The following ATXN10 variants were observed in gnomAD, a reference collection of about 807,000 sequenced individuals.
ATXN10 encodes the protein ataxin 10.
In ATXN10, 28 loss-of-function variants were observed where a neutral mutation model predicts 52.9. That is an observed-to-expected ratio of 0.53 (90% CI 0.39 to 0.73). The LOEUF is 0.73. ATXN10 is among the 30% of genes least tolerant of loss of function. The pLI is 0.00. For synonymous variants in ATXN10, 226 were observed against 221.5 expected (o/e 1.02, Z -0.18); for missense variants, 565 against 577.0 (o/e 0.98, Z 0.21).
intron 9 of ATXN10, among the ~76,000 whole-genome samples, chr22:45,797,129 G>T (rs1359704961): frequency 6.6e-6 from 1 of 152,192 alleles, no homozygotes; most frequent in Non-Finnish European, 1.5e-5. Context: ...GTCATAATCG[G>T]AGATATCAGC....
At position 45,770,102 on chromosome 22, in the gene ATXN10, G is replaced by A. The variant is rs1419307352; in HGVS notation, c.1173+29564G>A. The stretch of plus-strand genomic sequence containing the variant: ...GAGAAATGATTATGTGTCAAGCTCT[G>A]TGCTTTCTGTATGCCATTTACCTAG... On this transcript the variant is annotated intron_variant, in intron 9 of 11. Coordinates refer to ENST00000252934, the MANE Select transcript of ATXN10 (RefSeq NM_013236.4). This position sits in a 1 kb window ranked among gnomAD's most constrained non-coding sequence, Gnocchi z 4.5. Among the ~76,000 whole-genome samples, 2 of 152,202 alleles carry A rather than the reference G, an allele frequency of 1.3e-5. No individual in the cohort carries two copies. The highest frequency in any genetic ancestry group is 2.9e-5 in the Non-Finnish European group (2 of 68,036).
At chr22:45,714,224 T>C (rs548659604) in intron 5 of ATXN10, among the ~76,000 whole-genome samples, 2 of 152,256 alleles carry the variant, frequency 1.3e-5, no homozygotes, top group Admixed American at 6.5e-5. Flanking sequence ...GAACCTTTTT[T>C]TTCTTTTATG....
intron 9 of ATXN10, among the ~76,000 whole-genome samples, chr22:45,751,268 C>A (rs776953092): frequency 2.6e-5 from 4 of 152,136 alleles, no homozygotes; most frequent in Non-Finnish European, 5.9e-5. Flanking sequence ...ACCTCTTAAC[C>A]CTTCTTTGGC....
intron 1 of ATXN10, 52 bp downstream of exon 1, chr22:45,672,231 T>C (rs2146716446): frequency 7.0e-7 from 1 of 1,436,754 alleles, no homozygotes; most frequent in Non-Finnish European, 9.1e-7. Context: ...CGGCCGGGAC[T>C]CCCGCGGCGG....
In ATXN10 at chr22:45,689,077, C is replaced by T. The variant is rs771216258; in HGVS notation, c.117-635C>T. Among the ~76,000 whole-genome samples the T allele has an allele frequency of 1.5e-3, 226 of 152,196 alleles. 1 individual carries two copies. Among genetic ancestry groups the T allele is most frequent in the Admixed American group, 7.5e-3 (115 of 15,282 alleles). On this transcript the variant is annotated intron_variant, in intron 1 of 11. Coordinates refer to ENST00000252934, the MANE Select transcript of ATXN10 (RefSeq NM_013236.4). ...GAAGAACAGGCACACTTTACATTCT[C>T]CCCCTCTCCTTTCTCTCCCATCTAT... is the stretch of plus-strand genomic sequence containing the variant.
chr22:45,790,356 C>A lies in ATXN10; in HGVS notation c.1174-16603C>A, dbSNP rs753544966. ...TAAAATTAAAAAAGTTAACAGGACA[C>A]GAGATTATCAAAACATTGCCCCCCC... On this transcript the variant is annotated intron_variant, in intron 9 of 11. Coordinates refer to ENST00000252934, the MANE Select transcript of ATXN10 (RefSeq NM_013236.4). The surrounding 1 kb of genome is among the most constrained non-coding windows in gnomAD (Gnocchi z 4.7). 6.6e-6 allele frequency among the ~76,000 whole-genome samples: 1 copy of A among 152,174 alleles called. No homozygotes were observed. Among genetic ancestry groups the A allele is most frequent in the Middle Eastern group, 3.4e-3 (1 of 294 alleles).
chr22:45,797,806 G>T (rs73889621), intron 9 of ATXN10, among the ~76,000 whole-genome samples: 2,589 of 152,200 alleles, frequency 0.017, 86 homozygotes, highest in African/African-American at 0.059. Context: ...AGATAAATCT[G>T]TCTACCTGTC....
intron 1 of ATXN10, chr22:45,672,474 C>T (rs1043987802): frequency 9.3e-5 from 16 of 172,664 alleles, no homozygotes; most frequent in Non-Finnish European, 1.1e-4. Flanking sequence ...TGACCCAACA[C>T]ACGGTTAGGC....
intron 9 of ATXN10, among the ~76,000 whole-genome samples, chr22:45,751,739 G>GAAAAAAAAA: frequency 7.1e-5 from 1 of 14,102 alleles, no homozygotes; most frequent in African/African-American, 3.0e-4. Flanking sequence ...ACCTTTTTCT[G>GAAAAAAAAA]GAAAAAAAAA....
intron 10 of ATXN10, chr22:45,811,879 C>A: frequency 2.3e-6 from 1 of 437,896 alleles, no homozygotes; most frequent in South Asian, 1.7e-5. Flanking sequence ...CCACTCCCCA[C>A]ACCACCTTGC....
chr22:45,738,443 C>T (rs1925382618), intron 7 of ATXN10: 1 of 363,568 alleles, frequency 2.8e-6, no homozygotes, highest in East Asian at 5.7e-5. Context: ...GTTGGAATGT[C>T]TTTTTGCTTG....
Position 45,842,638 on chromosome 22 carries a change from G to A in ATXN10, c.1238-353G>A, listed in dbSNP as rs13055814. Among the ~76,000 whole-genome samples the A allele has an allele frequency of 0.046, 6,945 of 152,080 alleles. 209 individuals carry two copies. The highest frequency in any genetic ancestry group is 0.088 in the African/African-American group (3,668 of 41,480). The stretch of plus-strand genomic sequence containing the variant: ...AACAAAGGAATGTGTGTGTGTGCAC[G>A]CACACACGTTTGCCTGTGTGTGTGT... On this transcript the variant is annotated intron_variant, in intron 10 of 11. Transcript: ENST00000252934. This position sits in a 1 kb window ranked among gnomAD's most constrained non-coding sequence, Gnocchi z 4.8.
At chr22:45,703,116 AAAC>A (rs1458755848) in intron 5 of ATXN10, among the ~76,000 whole-genome samples, 2 of 152,170 alleles carry the variant, frequency 1.3e-5, no homozygotes, top group Non-Finnish European at 2.9e-5. Context: ...GTGTATGAAA[AAAC>A]AGTGTGAAAT....
rs1445718198 is a variant in ATXN10 at position 45,769,852 on chromosome 22, G to A, written c.1173+29314G>A. Among the ~76,000 whole-genome samples, 1 of 152,142 alleles carries A rather than the reference G, an allele frequency of 6.6e-6. No individual in the cohort carries two copies. The highest frequency in any genetic ancestry group is 1.5e-5 in the Non-Finnish European group (1 of 68,026). On this transcript the variant is annotated intron_variant, in intron 9 of 11. Coordinates refer to ENST00000252934, the MANE Select transcript of ATXN10 (RefSeq NM_013236.4). This position sits in a 1 kb window ranked among gnomAD's most constrained non-coding sequence, Gnocchi z 4.2. ...GAACAAAAACTCTTAAGAGTGTCAG[G>A]AAGTTAAAAAATATAAAAAATTTTC...
chr22:45,771,196 A>G (rs749215994), intron 9 of ATXN10, among the ~76,000 whole-genome samples: 12 of 152,168 alleles, frequency 7.9e-5, no homozygotes, highest in Non-Finnish European at 1.0e-4. Flanking sequence ...AAACAACCCA[A>G]ATGTTCTTTA....
rs1927125360 is a variant in ATXN10 at position 45,780,873 on chromosome 22, A to G, written c.1174-26086A>G. Among the ~76,000 whole-genome samples the G allele has an allele frequency of 1.3e-5, 2 of 152,136 alleles. No homozygotes were observed. Among genetic ancestry groups the G allele is most frequent in the African/African-American group, 2.4e-5 (1 of 41,438 alleles). ...CCAGAACCCTGTCATCATATATGAA[A>G]CAATCATGGAAACACGTGACAGGTG... is the stretch of plus-strand genomic sequence containing the variant. On this transcript the variant is annotated intron_variant, in intron 9 of 11. Coordinates refer to ENST00000252934, the MANE Select transcript of ATXN10 (RefSeq NM_013236.4). The surrounding 1 kb of genome is among the most constrained non-coding windows in gnomAD (Gnocchi z 4.0).
At chr22:45,829,230 A>G (rs987798839) in intron 10 of ATXN10, among the ~76,000 whole-genome samples, 6 of 152,174 alleles carry the variant, frequency 3.9e-5, no homozygotes, top group African/African-American at 1.4e-4. Flanking sequence ...GCCTCAACAT[A>G]ATAAAAGCCA....
Position 45,835,937 on chromosome 22 carries a change from A to G in ATXN10, c.1238-7054A>G, listed in dbSNP as rs148443086. ...ATTTTAGCTTTTATTTTTAAATGCT[A>G]TTAAGGCATAACAGGCTACGAAACA... On this transcript the variant is annotated intron_variant, in intron 10 of 11. Coordinates refer to ENST00000252934, the MANE Select transcript of ATXN10 (RefSeq NM_013236.4). This position sits in a 1 kb window ranked among gnomAD's most constrained non-coding sequence, Gnocchi z 5.0. Among the ~76,000 whole-genome samples, 31 of 152,334 alleles carry G rather than the reference A, an allele frequency of 2.0e-4. No individual in the cohort carries two copies. In the East Asian group the frequency reaches 5.4e-3, roughly 27 times the overall value.
intron 10 of ATXN10, among the ~76,000 whole-genome samples, chr22:45,814,867 G>A (rs1368757720): frequency 6.6e-6 from 1 of 152,188 alleles, no homozygotes; most frequent in Non-Finnish European, 1.5e-5. Context: ...CACATGTGAG[G>A]GATCTAGGTT....
Sources: allele counts gnomAD v4.1 joint callset (sites outside exome capture counted in the v4.1 genomes callset), GRCh38; gene constraint gnomAD v4.1.1; non-coding constraint Gnocchi (gnomAD v3.1); transcripts MANE v1.5; gene names NCBI Gene and HGNC (gene_info 2026-07-23, HGNC 2026-07-21).